Variants in ABHD13 observed in about 807,000 individuals in gnomAD.
The protein encoded by ABHD13 is abhydrolase domain containing 13, also known as protein ABHD13.
ABHD13 carries 7 observed loss-of-function variants against 25.2 expected under a neutral mutation model. That is an observed-to-expected ratio of 0.28 (90% CI 0.16 to 0.52). ABHD13 has a LOEUF of 0.52. Ranked by LOEUF, ABHD13 falls within the 20% of genes least tolerant of loss-of-function variation. ABHD13 has a pLI of 0.96. For synonymous variants in ABHD13, 133 were observed against 136.1 expected (o/e 0.98, Z 0.16); for missense variants, 302 against 402.7 (o/e 0.75, Z 2.14).
At chr13:108,221,961 C>A (rs1403292120) in intron 1 of ABHD13, among the ~76,000 whole-genome samples, 1 of 152,028 alleles carries the variant, frequency 6.6e-6, no homozygotes, top group Non-Finnish European at 1.5e-5. Flanking sequence ...CCTCAGTCTC[C>A]CTAGTAGCTG....
At position 108,229,264 on chromosome 13, in the gene ABHD13, A is replaced by G. The variant is rs142756657; in HGVS notation, c.46A>G (p.Ile16Val). 84 of 1,582,562 alleles carry G rather than the reference A, an allele frequency of 5.3e-5. No individual in the cohort carries two copies. The African/African-American group carries it at 1.0e-3, about 20-fold the overall frequency. Residue 16 changes from isoleucine to valine, a missense_variant, in exon 2 of 2, where the codon ATA becomes GTA. Transcript: ENST00000375898. This position sits in a 1 kb window ranked among gnomAD's most constrained non-coding sequence, Gnocchi z 4.7. The part of the protein sequence containing the change: ...MLWNFVERWL[I>V]ALASWSWALC... ...GTGGAACTTTGTTGAAAGATGGCTA[A>G]TAGCCTTGGCTTCATGGTCTTGGGC... is the stretch of plus-strand genomic sequence containing the variant.
intron 1 of ABHD13, among the ~76,000 whole-genome samples, chr13:108,219,883 C>G (rs1235685146): frequency 1.3e-5 from 2 of 152,142 alleles, no homozygotes; most frequent in East Asian, 3.9e-4. Flanking sequence ...GTGCATTGCT[C>G]TGATTACTTC....
rs987096787 is a variant in ABHD13, at chr13:108,231,033, G to T, written c.*801G>T. ...CTTTTTAACATTTGTAACTTTGGTG[G>T]CAAAGAGAATTTTAGCTTCTATCGA... On this transcript the variant is annotated 3_prime_UTR_variant, in exon 2 of 2. Coordinates refer to ENST00000375898, the MANE Select transcript of ABHD13 (RefSeq NM_032859.3). The T allele has an allele frequency of 7.2e-5, 12 of 166,728 alleles. No homozygotes were observed. The highest frequency in any genetic ancestry group is 1.5e-4 in the Non-Finnish European group (10 of 67,954). The allele number at this position is 166,728 out of a possible 1,614,324, so 10.3% of individuals were successfully genotyped here. A position where few individuals can be genotyped will look rare whatever the true frequency, so the allele number is the denominator to read the frequency against.
At position 108,232,715 on chromosome 13, in the gene ABHD13, A is replaced by C. The variant is rs939619378; in HGVS notation, c.*2483A>C. 11 of 166,944 alleles carry C rather than the reference A, an allele frequency of 6.6e-5. No homozygotes were observed. The highest frequency in any genetic ancestry group is 1.5e-4 in the Non-Finnish European group (10 of 68,026). The allele number at this position is 166,944 out of a possible 1,614,324, so 10.3% of individuals were successfully genotyped here. A position where few individuals can be genotyped will look rare whatever the true frequency, so the allele number is the denominator to read the frequency against. Reference sequence around the variant, plus strand: ...GTTACTATAAATTTGGGGATCCTAGAGTGATCTTAAATATGGCAAGATACA... The same window carrying C: ...GTTACTATAAATTTGGGGATCCTAGCGTGATCTTAAATATGGCAAGATACA... On this transcript the variant is annotated 3_prime_UTR_variant, in exon 2 of 2. Coordinates refer to ENST00000375898, the MANE Select transcript of ABHD13 (RefSeq NM_032859.3).
intron 1 of ABHD13, among the ~76,000 whole-genome samples, chr13:108,226,759 A>G (rs1879682310): frequency 6.6e-6 from 1 of 152,140 alleles, no homozygotes. Context: ...CTTTGCTGAT[A>G]CTTTCAGCAA....
In ABHD13 at chr13:108,230,051, A is replaced by G. The variant is rs202207639; in HGVS notation, c.833A>G (p.Gln278Arg). ...TTAATTCCACCAGTAATGATGAAAC[A>G]ACTTTATGAACTCTCCCCATCTCGG... The part of the protein sequence containing the change: ...DQLIPPVMMK[Q>R]LYELSPSRTK... The change falls in exon 2 of 2, where the codon CAA (glutamine) becomes CGA (arginine). Residue 278 changes from glutamine (Q) to arginine (R), a missense_variant. Gln to Arg is a conservative substitution (Grantham distance 43, BLOSUM62 1). Coordinates refer to ENST00000375898, the MANE Select transcript of ABHD13 (RefSeq NM_032859.3). 25 of 1,613,180 alleles carry G rather than the reference A, an allele frequency of 1.5e-5. No individual in the cohort carries two copies. The East Asian group carries it at 5.4e-4, about 35-fold the overall frequency.
intron 1 of ABHD13, among the ~76,000 whole-genome samples, chr13:108,219,168 A>T (rs1272149497): frequency 1.3e-5 from 2 of 152,152 alleles, no homozygotes; most frequent in African/African-American, 4.8e-5. Flanking sequence ...TCTAATCACG[A>T]CAGTAACAGG....
In ABHD13 at chr13:108,218,397, G is replaced by C. The variant is rs1193428019; in HGVS notation, c.-283G>C. 1 of 152,234 alleles carries C rather than the reference G, an allele frequency of 6.6e-6. No individual in the cohort carries two copies. The highest frequency in any genetic ancestry group is 1.5e-5 in the Non-Finnish European group (1 of 68,058). 9.4% of individuals were successfully genotyped at this position (152,234 alleles called of 1,614,324 possible). A position where few individuals can be genotyped will look rare whatever the true frequency, so the allele number is the denominator to read the frequency against. On this transcript the variant is annotated 5_prime_UTR_variant, in exon 1 of 2. Transcript: ENST00000375898. ...GGCTTCTGCGCATGCTCGGAAGAGC[G>C]GGCAGGGTTCCCACTCCGGGAGCGG...
At position 108,231,711 on chromosome 13, in the gene ABHD13, A is replaced by G. The variant is rs1879808180; in HGVS notation, c.*1479A>G. The G allele has an allele frequency of 6.0e-6, 1 of 166,794 alleles. No individual in the cohort carries two copies. Among genetic ancestry groups the G allele is most frequent in the African/African-American group, 2.4e-5 (1 of 41,446 alleles). 10.3% of individuals were successfully genotyped at this position (166,794 alleles called of 1,614,324 possible). ...TATATTTAGTGGCTTTCTGCAAGCA[A>G]CTAGAACAGAGAAGTAATGGGTCAA... On this transcript the variant is annotated 3_prime_UTR_variant, in exon 2 of 2. Transcript: ENST00000375898.
At chr13:108,227,555 G>A (rs1249034344) in intron 1 of ABHD13, among the ~76,000 whole-genome samples, 1 of 152,002 alleles carries the variant, frequency 6.6e-6, no homozygotes, top group East Asian at 1.9e-4. Context: ...CCTTATTCGT[G>A]TATTTGGAGC....
At chr13:108,223,906 G>C (rs1879618883) in intron 1 of ABHD13, among the ~76,000 whole-genome samples, 3 of 152,144 alleles carry the variant, frequency 2.0e-5, no homozygotes, top group Admixed American at 2.0e-4. Flanking sequence ...CTGAATACTT[G>C]CAGTTTCTGT....
rs1300568312 is a variant in ABHD13 at position 108,234,081 on chromosome 13, A to G, written c.*3849A>G. On this transcript the variant is annotated 3_prime_UTR_variant, in exon 2 of 2. Coordinates refer to ENST00000375898, the MANE Select transcript of ABHD13 (RefSeq NM_032859.3). Reference sequence around the variant, plus strand: ...TTGTTATTTGCCATATTTTATTTGAAGTGATAAAATTTTATAACTCAAATT... The same window carrying G: ...TTGTTATTTGCCATATTTTATTTGAGGTGATAAAATTTTATAACTCAAATT... 1 of 166,922 alleles carries G rather than the reference A, an allele frequency of 6.0e-6. No homozygotes were observed. Among genetic ancestry groups the G allele is most frequent in the Non-Finnish European group, 1.5e-5 (1 of 67,998 alleles). The allele number at this position is 166,922 out of a possible 1,614,324, so 10.3% of individuals were successfully genotyped here.
intron 1 of ABHD13, among the ~76,000 whole-genome samples, chr13:108,221,617 A>C (rs1473863086): frequency 6.6e-6 from 1 of 152,200 alleles, no homozygotes; most frequent in Non-Finnish European, 1.5e-5. Flanking sequence ...AGCTGTTCCC[A>C]AAATTATCAA....
chr13:108,229,766 A>G lies in ABHD13; in HGVS notation c.548A>G (p.Asp183Gly). The change falls in exon 2 of 2, where the codon GAT becomes GGT. Residue 183 changes from aspartate (D) to glycine (G), a missense_variant. By Grantham distance (94) the Asp-to-Gly change is moderately conservative (BLOSUM62 -1). Transcript: ENST00000375898. This position sits in a 1 kb window ranked among gnomAD's most constrained non-coding sequence, Gnocchi z 4.7. Reference protein sequence around the residue: ...LDYVMTRPDLDKTKIFLFGRS... With the variant: ...LDYVMTRPDLGKTKIFLFGRS... ...TACGTGATGACTAGACCTGACCTTG[A>G]TAAAACAAAAATTTTTCTTTTTGGC... is the stretch of plus-strand genomic sequence containing the variant. 3 of 1,613,372 alleles carry G rather than the reference A, an allele frequency of 1.9e-6. No individual in the cohort carries two copies. The highest frequency in any genetic ancestry group is 2.5e-6 in the Non-Finnish European group (3 of 1,179,504).
chr13:108,226,848 A>G (rs1308227757), intron 1 of ABHD13, among the ~76,000 whole-genome samples: 1 of 152,150 alleles, frequency 6.6e-6, no homozygotes, highest in African/African-American at 2.4e-5. Flanking sequence ...ATGGAAATAT[A>G]TATCATACAG....
intron 1 of ABHD13, among the ~76,000 whole-genome samples, chr13:108,226,136 G>A (rs566116278): frequency 6.6e-6 from 1 of 152,250 alleles, no homozygotes; most frequent in African/African-American, 2.4e-5. Context: ...ATAGTGGACC[G>A]TACTGTGCAT....
At chr13:108,228,187 CTTT>C (rs1364033017) in intron 1 of ABHD13, among the ~76,000 whole-genome samples, 1 of 148,632 alleles carries the variant, frequency 6.7e-6, no homozygotes, top group African/African-American at 2.5e-5. Context: ...AAAAAATTCT[CTTT>C]TAATAGTTTT....
Position 108,227,232 on chromosome 13 carries a change from G to A in ABHD13, c.-20-1967G>A, listed in dbSNP as rs1879693238. Reference sequence around the variant, plus strand: ...AAACAAATACGCCCATTTTTCTGATGTTGTTTTAAACATATATGCCCACTG... The same window carrying A: ...AAACAAATACGCCCATTTTTCTGATATTGTTTTAAACATATATGCCCACTG... On this transcript the variant is annotated intron_variant, in intron 1 of 1. Coordinates refer to ENST00000375898, the MANE Select transcript of ABHD13 (RefSeq NM_032859.3). Among the ~76,000 whole-genome samples the A allele has an allele frequency of 2.0e-5, 3 of 151,920 alleles. No homozygotes were observed. The South Asian group carries it at 6.2e-4, about 32-fold the overall frequency.
chr13:108,226,456 A>AT (rs761638641), intron 1 of ABHD13, among the ~76,000 whole-genome samples: 31 of 152,216 alleles, frequency 2.0e-4, no homozygotes, highest in Middle Eastern at 3.4e-3. Context: ...AGTAGGAGCC[A>AT]TTTTTACTAC....
Sources: gnomAD v4.1 joint callset for allele counts (sites outside exome capture counted in the v4.1 genomes callset) on GRCh38, gnomAD v4.1.1 for gene constraint, Gnocchi (gnomAD v3.1) non-coding constraint, MANE v1.5 for transcripts, NCBI Gene and HGNC (gene_info 2026-07-23, HGNC 2026-07-21) for gene names.